TSPAN5: variants seen among roughly 807,000 people sequenced by gnomAD.
TSPAN5 encodes tetraspanin-5.
Under a neutral mutation model 37.1 loss-of-function variants are expected in TSPAN5, and 10 were observed. The ratio of observed to expected loss-of-function variants is 0.27; its 90% CI spans 0.17 to 0.46. The LOEUF (loss-of-function observed/expected upper bound fraction) is 0.46, where lower values mean the gene tolerates loss of function less well. Among genes scored for constraint, TSPAN5 ranks in the 20% least tolerant of loss-of-function variants. TSPAN5 has a pLI of 1.00. For synonymous variants in TSPAN5, 110 were observed against 118.9 expected, an observed-to-expected ratio of 0.93 and a Z score of 0.48; for missense variants, 195 against 326.6, an observed-to-expected ratio of 0.60 and a Z score of 3.11.
At chr4:98,657,090 G>C (rs1405064488) in intron 1 of TSPAN5, among the ~76,000 whole-genome samples, 1 of 152,172 alleles carries the variant, frequency 6.6e-6, no homozygotes, top group East Asian at 1.9e-4. Flanking sequence ...AAGAGGATGA[G>C]ATGGGATGAG....
intron 1 of TSPAN5, among the ~76,000 whole-genome samples, chr4:98,640,995 C>T (rs2110277421): frequency 6.6e-6 from 1 of 152,276 alleles, no homozygotes; most frequent in South Asian, 2.1e-4. Flanking sequence ...GATGAAGTAA[C>T]CATCCATGGT....
chr4:98,575,538 C>T (rs944977249), intron 1 of TSPAN5, among the ~76,000 whole-genome samples: 2 of 151,944 alleles, frequency 1.3e-5, no homozygotes, highest in Admixed American at 6.6e-5. Context: ...TTTCTGCTAA[C>T]GAGACGTCTG....
rs368226411 is a variant in TSPAN5, at chr4:98,564,055, G to C, written c.82-56327C>G. 1.4e-3 allele frequency among the ~76,000 whole-genome samples: 217 copies of C among 152,266 alleles called. 1 individual carries two copies. Among genetic ancestry groups the C allele is most frequent in the African/African-American group, 4.9e-3 (203 of 41,530 alleles). On this transcript the variant is annotated intron_variant, in intron 1 of 7. Transcript: ENST00000305798. The stretch of plus-strand genomic sequence containing the variant: ...AAAAGCAGACACACACACAAAAAAC[G>C]TGTGATGAGACAAAATTAAATGGGA...
chr4:98,556,275 A>T (rs115758459), intron 1 of TSPAN5, among the ~76,000 whole-genome samples: 3,113 of 152,264 alleles, frequency 0.02, 56 homozygotes, highest in Middle Eastern at 0.065. Context: ...TTCCTGTCTC[A>T]GGAAGCTCCC....
Position 98,501,533 on chromosome 4 carries a change from A to C in TSPAN5, c.132+6145T>G, listed in dbSNP as rs376047427. Reference sequence around the variant, plus strand: ...TCGCATGAGAAGGAAAAACACAAGGAAGGGGAAGAAAGGGCTAGGTCAAAG... The same window carrying C: ...TCGCATGAGAAGGAAAAACACAAGGCAGGGGAAGAAAGGGCTAGGTCAAAG... On this transcript the variant is annotated intron_variant, in intron 2 of 7. Transcript: ENST00000305798. Among the ~76,000 whole-genome samples, 6 of 152,324 alleles carry C rather than the reference A, an allele frequency of 3.9e-5. No homozygotes were observed. In the East Asian group the frequency reaches 9.6e-4, roughly 24 times the overall value.
intron 1 of TSPAN5, among the ~76,000 whole-genome samples, chr4:98,642,288 C>T (rs567611593): frequency 6.6e-6 from 1 of 152,278 alleles, no homozygotes; most frequent in South Asian, 2.1e-4. Context: ...AAAAATTCCA[C>T]AGAAACAACA....
At chr4:98,495,662 A>G (rs777162427) in intron 2 of TSPAN5, among the ~76,000 whole-genome samples, 1 of 152,128 alleles carries the variant, frequency 6.6e-6, no homozygotes, top group Non-Finnish European at 1.5e-5. Context: ...ATATGTTCTG[A>G]GTAACTATTT....
intron 7 of TSPAN5, among the ~76,000 whole-genome samples, chr4:98,473,253 A>G (rs1752624928): frequency 6.6e-6 from 1 of 152,170 alleles, no homozygotes; most frequent in Non-Finnish European, 1.5e-5. Flanking sequence ...AAACTGCTAA[A>G]TTGTTTCCCA....
At chr4:98,559,473 T>C (rs986569604) in intron 1 of TSPAN5, among the ~76,000 whole-genome samples, 11 of 152,050 alleles carry the variant, frequency 7.2e-5, no homozygotes, top group African/African-American at 2.7e-4. Context: ...TAAGTAGGAG[T>C]TCACAAGAGG....
At chr4:98,586,813 C>A (rs1350003815) in intron 1 of TSPAN5, among the ~76,000 whole-genome samples, 1 of 152,184 alleles carries the variant, frequency 6.6e-6, no homozygotes, top group South Asian at 2.1e-4. Flanking sequence ...GCACATGCAC[C>A]CTTGCCAACT....
chr4:98,620,827 G>A (rs1326979330), intron 1 of TSPAN5, among the ~76,000 whole-genome samples: 1 of 152,302 alleles, frequency 6.6e-6, no homozygotes, highest in East Asian at 1.9e-4. Context: ...TGCTGGTCTG[G>A]TGCTTGACAG....
At chr4:98,645,460 G>T (rs995820479) in intron 1 of TSPAN5, among the ~76,000 whole-genome samples, 3 of 152,286 alleles carry the variant, frequency 2.0e-5, no homozygotes, top group East Asian at 1.9e-4. Flanking sequence ...CATCACCTGG[G>T]CATTTGTTAA....
chr4:98,552,357 C>T (rs1754642666), intron 1 of TSPAN5, among the ~76,000 whole-genome samples: 1 of 152,186 alleles, frequency 6.6e-6, no homozygotes, highest in Non-Finnish European at 1.5e-5. Context: ...CTTAGTACTG[C>T]TTTTGCAGTA....
At chr4:98,583,799 C>T (rs1291147799) in intron 1 of TSPAN5, among the ~76,000 whole-genome samples, 5 of 152,308 alleles carry the variant, frequency 3.3e-5, no homozygotes, top group Admixed American at 6.5e-5. Context: ...AGTGAGAGAA[C>T]GCATGTAAAG....
chr4:98,574,010 T>C (rs375639241), intron 1 of TSPAN5, among the ~76,000 whole-genome samples: 12 of 152,294 alleles, frequency 7.9e-5, no homozygotes, highest in African/African-American at 2.9e-4. Context: ...TCAACTGTAT[T>C]TACAAAACTG....
intron 1 of TSPAN5, among the ~76,000 whole-genome samples, chr4:98,529,009 T>G (rs1432734111): frequency 6.6e-6 from 1 of 152,132 alleles, no homozygotes; most frequent in Non-Finnish European, 1.5e-5. Flanking sequence ...TCACACAGAT[T>G]GACAGTGGTA....
At chr4:98,540,841 G>A (rs1369922541) in intron 1 of TSPAN5, among the ~76,000 whole-genome samples, 5 of 152,252 alleles carry the variant, frequency 3.3e-5, no homozygotes, top group East Asian at 3.9e-4. Context: ...CTGATCAATC[G>A]CTTCTTTTGT....
intron 1 of TSPAN5, among the ~76,000 whole-genome samples, chr4:98,631,255 G>A (rs1756739711): frequency 6.6e-6 from 1 of 152,150 alleles, no homozygotes; most frequent in Non-Finnish European, 1.5e-5. Context: ...CGGCAAGCAA[G>A]GAGAGCACCC....
chr4:98,570,592 AG>A (rs1755096868), intron 1 of TSPAN5, among the ~76,000 whole-genome samples: 1 of 152,174 alleles, frequency 6.6e-6, no homozygotes, highest in Admixed American at 6.5e-5. Flanking sequence ...AGCAAGGTGG[AG>A]GGAAAAAAGA....
Sources: gnomAD v4.1 joint callset for allele counts (sites outside exome capture counted in the v4.1 genomes callset) on GRCh38, gnomAD v4.1.1 for gene constraint, MANE v1.5 for transcripts, NCBI Gene and HGNC (gene_info 2026-07-23, HGNC 2026-07-21) for gene names.